PHYHD1: variants seen among roughly 807,000 people sequenced by gnomAD.
PHYHD1 encodes phytanoyl-CoA dioxygenase domain-containing protein 1.
In PHYHD1, 42 loss-of-function variants were observed where a neutral mutation model predicts 43.6. The ratio of observed to expected loss-of-function variants is 0.96; its 90% CI spans 0.75 to 1.25. The LOEUF (loss-of-function observed/expected upper bound fraction) is 1.25, where lower values mean the gene tolerates loss of function less well. Ranked by LOEUF, PHYHD1 falls within the 50% of genes most tolerant of loss-of-function variation. The pLI, the probability that PHYHD1 is intolerant of heterozygous loss-of-function variation, is 0.00. For missense variants in PHYHD1, 342 were observed against 370.8 expected (o/e 0.92, Z 0.64); for synonymous variants, 139 against 143.6 (o/e 0.97, Z 0.23).
intron 6 of PHYHD1, 51 bp downstream of exon 6, chr9:128,934,109 A>C (rs571390305): frequency 6.4e-7 from 1 of 1,572,038 alleles, no homozygotes; most frequent in East Asian, 2.2e-5. Flanking sequence ...ACAGGCTGGG[A>C]GTGGTGGCTT....
intron 11 of PHYHD1, 75 bp from the exon 12 acceptor site, chr9:128,941,370 G>T (rs1250241597): frequency 4.5e-6 from 7 of 1,572,384 alleles, no homozygotes; most frequent in South Asian, 3.4e-5. Context: ...AAGGAGGAGG[G>T]CCCATGTCCC....
intron 6 of PHYHD1, among the ~76,000 whole-genome samples, chr9:128,935,393 G>C (rs1841398102): frequency 6.6e-6 from 1 of 151,816 alleles, no homozygotes. Context: ...GGGAGGCTGA[G>C]GTGGGCGGAT....
At chr9:128,924,625 A>T (rs150041467) in intron 3 of PHYHD1, among the ~76,000 whole-genome samples, 375 of 151,372 alleles carry the variant, frequency 2.5e-3, no homozygotes, top group Middle Eastern at 6.9e-3. Context: ...AAAAAAAAAA[A>T]AAAGAAGAAG....
chr9:128,932,172 A>ATTTTT (rs1367583651), intron 4 of PHYHD1, among the ~76,000 whole-genome samples: 26 of 104,190 alleles, frequency 2.5e-4, no homozygotes, highest in African/African-American at 7.3e-4. Context: ...TATTATTGTT[A>ATTTTT]TTATTATTAT....
At chr9:128,922,634 G>C (rs1841028916) in intron 3 of PHYHD1, among the ~76,000 whole-genome samples, 1 of 152,224 alleles carries the variant, frequency 6.6e-6, no homozygotes, top group Non-Finnish European at 1.5e-5. Context: ...CCCTGGGCGG[G>C]AGTCGGCAAC....
At chr9:128,936,395 T>C (rs2131113769) in intron 6 of PHYHD1, 53 bp from the exon 7 acceptor site, 1 of 1,572,550 alleles carries the variant, frequency 6.4e-7, no homozygotes, top group Non-Finnish European at 8.6e-7. Context: ...GAGCTGGGTG[T>C]GGAGGGACAC....
intron 6 of PHYHD1, among the ~76,000 whole-genome samples, chr9:128,935,840 T>G (rs552844849): frequency 6.0e-5 from 9 of 149,332 alleles, no homozygotes; most frequent in African/African-American, 2.2e-4. Context: ...AGGTGGAGGT[T>G]GCAGTGAGCC....
At chr9:128,928,301 C>G (rs1470149268) in intron 4 of PHYHD1, among the ~76,000 whole-genome samples, 1 of 152,214 alleles carries the variant, frequency 6.6e-6, no homozygotes, top group Non-Finnish European at 1.5e-5. Flanking sequence ...CAGCCAGAGA[C>G]AGGCAGGCCA....
chr9:128,933,150 CTTT>C (rs751550740), intron 4 of PHYHD1, among the ~76,000 whole-genome samples: 1 of 104,228 alleles, frequency 9.6e-6, no homozygotes, highest in African/African-American at 3.5e-5. Flanking sequence ...TGCACCCAGA[CTTT>C]TTTTTTTTTT....
At chr9:128,932,184 A>ATTTTT (rs1258300033) in intron 4 of PHYHD1, among the ~76,000 whole-genome samples, 4 of 108,696 alleles carry the variant, frequency 3.7e-5, no homozygotes, top group Non-Finnish European at 5.1e-5. Context: ...TATTATTATT[A>ATTTTT]TTTTTTTTTT....
At chr9:128,933,740 C>G (rs1841355401) in intron 4 of PHYHD1, 42 bp from the exon 5 acceptor site, 3 of 1,594,710 alleles carry the variant, frequency 1.9e-6, no homozygotes, top group Middle Eastern at 1.7e-4. Flanking sequence ...CAGCTCTGAC[C>G]CCAGGATGCT....
At chr9:128,935,382 T>A (rs1397552123) in intron 6 of PHYHD1, among the ~76,000 whole-genome samples, 3 of 151,784 alleles carry the variant, frequency 2.0e-5, no homozygotes, top group African/African-American at 7.3e-5. Context: ...CCCAGCACTT[T>A]GGGAGGCTGA....
At chr9:128,938,669 C>T (rs17507852) in intron 9 of PHYHD1, among the ~76,000 whole-genome samples, 13,317 of 143,144 alleles carry the variant, frequency 0.093, 2,049 homozygotes, top group African/African-American at 0.3. Flanking sequence ...GTGATCCACC[C>T]GCCTCAGCCT....
intron 3 of PHYHD1, 57 bp downstream of exon 3, chr9:128,922,413 C>CT: frequency 6.5e-7 from 1 of 1,533,624 alleles, no homozygotes; most frequent in Non-Finnish European, 8.8e-7. Context: ...CCTGCCGGAC[C>CT]TTCAGTAGTC....
intron 4 of PHYHD1, among the ~76,000 whole-genome samples, chr9:128,932,160 A>ATT (rs1564540359): frequency 2.4e-5 from 3 of 124,478 alleles, no homozygotes; most frequent in African/African-American, 1.0e-4. Flanking sequence ...TATTATTATT[A>ATT]TTATTATTGT....
chr9:128,924,504 C>G (rs1458833669), intron 3 of PHYHD1, among the ~76,000 whole-genome samples: 6 of 151,694 alleles, frequency 4.0e-5, no homozygotes, highest in African/African-American at 1.5e-4. Context: ...CCCAGCTACT[C>G]GGGAGACTGA....
At chr9:128,941,638 T>G in intron 12 of PHYHD1, 30 bp from the exon 13 acceptor site, 3 of 1,614,162 alleles carry the variant, frequency 1.9e-6, no homozygotes, top group Non-Finnish European at 2.5e-6. Flanking sequence ...ACCCTGCACC[T>G]CAAGGTTGTT....
rs1367583651 is a variant in PHYHD1, at chr9:128,932,172, A to ATT, written c.193-1609_193-1608dup. The stretch of plus-strand genomic sequence containing the variant: ...TTCTATTATTATTATTATTATTGTT[A>ATT]TTATTATTATTATTTTTTTTTTTTG... On this transcript the variant is annotated intron_variant, in intron 4 of 12. Transcript: ENST00000372592. 1.2e-3 allele frequency among the ~76,000 whole-genome samples: 128 copies of ATT among 104,134 alleles called. 1 individual carries two copies. Among genetic ancestry groups the ATT allele is most frequent in the African/African-American group, 3.7e-3 (87 of 23,204 alleles). The allele number at this position is 104,134 out of a possible 152,430, so 68.3% of individuals were successfully genotyped here. A position where few individuals can be genotyped will look rare whatever the true frequency, so the allele number is the denominator to read the frequency against.
chr9:128,924,854 A>G (rs1841095176), intron 3 of PHYHD1, among the ~76,000 whole-genome samples: 1 of 152,032 alleles, frequency 6.6e-6, no homozygotes, highest in Admixed American at 6.6e-5. Context: ...AGAATCACTT[A>G]ACCCTGAGAG....
Sources: gnomAD v4.1 joint callset for allele counts (sites outside exome capture counted in the v4.1 genomes callset) on GRCh38, gnomAD v4.1.1 for gene constraint, MANE v1.5 for transcripts, NCBI Gene and HGNC (gene_info 2026-07-23, HGNC 2026-07-21) for gene names.